Variants in BTAF1 observed in about 807,000 individuals in gnomAD.
BTAF1 encodes the protein B-TFIID TATA-box binding protein associated factor 1, also known as TATA-binding protein-associated factor 172.
A neutral mutation model predicts 227.1 loss-of-function variants in BTAF1; 38 were observed. That is an observed-to-expected ratio of 0.17 (90% CI 0.13 to 0.22). BTAF1 has a LOEUF of 0.22. BTAF1 is among the 10% of genes least tolerant of loss of function. The pLI is 1.00. For missense variants in BTAF1, 1,598 were observed against 2,204.0 expected (o/e 0.73, Z 5.51); for synonymous variants, 742 against 751.9 (o/e 0.99, Z 0.21).
intron 28 of BTAF1, among the ~76,000 whole-genome samples, chr10:92,010,719 T>C (rs1290710784): frequency 1.3e-5 from 2 of 152,224 alleles, no homozygotes; most frequent in Non-Finnish European, 2.9e-5. Flanking sequence ...CTTAACCTGG[T>C]TCAAATGCTT....
Position 91,959,844 on chromosome 10 carries a change from T to G in BTAF1, c.1050T>G (p.Phe350Leu). The G allele has an allele frequency of 6.2e-7, 1 of 1,609,902 alleles. No individual in the cohort carries two copies. The highest frequency in any genetic ancestry group is 8.5e-7 in the Non-Finnish European group (1 of 1,178,640). The change falls in exon 10 of 38, where the codon TTT becomes TTG. Residue 350 changes from phenylalanine to leucine, a missense_variant. By Grantham distance (22) the Phe-to-Leu change is conservative. Coordinates refer to ENST00000265990, the MANE Select transcript of BTAF1 (RefSeq NM_003972.3). ...EDLVIRLLCVFALDRFGDFVS... is the reference protein window; with the variant it reads ...EDLVIRLLCVLALDRFGDFVS... ...TGGTTATTAGACTCCTTTGTGTTTT[T>G]GCATTAGACAGATTTGGAGACTTTG... is the stretch of plus-strand genomic sequence containing the variant.
intron 5 of BTAF1, among the ~76,000 whole-genome samples, chr10:91,952,142 A>G (rs947944835): frequency 6.7e-6 from 1 of 149,456 alleles, no homozygotes; most frequent in Non-Finnish European, 1.5e-5. Flanking sequence ...GTATATATGT[A>G]TATGTGTGTG....
rs1342911959 is a variant in BTAF1, at chr10:91,994,628, C to T, written c.3293C>T (p.Ser1098Phe). 6.2e-7 allele frequency: 1 copy of T among 1,612,726 alleles called. No individual in the cohort carries two copies. The highest frequency in any genetic ancestry group is 1.3e-5 in the African/African-American group (1 of 74,908). The change falls in exon 23 of 38, where the codon TCT becomes TTT. Residue 1098 changes from serine to phenylalanine, a missense_variant. Around this residue, in one of 10 missense-constraint regions of BTAF1, gnomAD observed 425 missense variants for 491.2 expected, o/e 0.87. Transcript: ENST00000265990. ...VFETAAASMD[S>F]ELHPLLVQHL... ...GAAACAGCAGCAGCTTCAATGGATT[C>T]TGAGCTTCATCCCTTGGTAACTAAC...
intron 13 of BTAF1, 24 bp from the exon 14 acceptor site, chr10:91,966,613 A>G (rs202020673): frequency 6.2e-7 from 1 of 1,610,528 alleles, no homozygotes; most frequent in Non-Finnish European, 8.5e-7. Context: ...AATAAGTAAG[A>G]TTAATTTGTG....
rs369329490 is a variant in BTAF1, at chr10:91,952,274, C to T, written c.564+708C>T. On this transcript the variant is annotated intron_variant, in intron 5 of 37. Transcript: ENST00000265990. ...TCAGATTGACCGCATTCTTTTTGGA[C>T]AGCTTCATGCTGTTTTGTTTTGTGG... Among the ~76,000 whole-genome samples, 4 of 152,188 alleles carry T rather than the reference C, an allele frequency of 2.6e-5. No individual in the cohort carries two copies. The East Asian group carries it at 7.7e-4, about 29-fold the overall frequency.
intron 25 of BTAF1, among the ~76,000 whole-genome samples, chr10:92,002,131 C>CA (rs1849593230): frequency 6.6e-6 from 1 of 151,934 alleles, no homozygotes; most frequent in African/African-American, 2.4e-5. Context: ...TAAATAAAAA[C>CA]ACACTGGATT....
At chr10:92,021,734 CAG>C (rs936060013) in intron 34 of BTAF1, among the ~76,000 whole-genome samples, 4 of 151,862 alleles carry the variant, frequency 2.6e-5, no homozygotes, top group African/African-American at 9.7e-5. Context: ...TTAGTAGAGA[CAG>C]GGTTTCACCG....
intron 30 of BTAF1, among the ~76,000 whole-genome samples, chr10:92,013,198 G>A (rs896165731): frequency 6.6e-6 from 1 of 152,152 alleles, no homozygotes; most frequent in African/African-American, 2.4e-5. Flanking sequence ...ATGAAACTTC[G>A]ATGGTAGAAT....
intron 2 of BTAF1, among the ~76,000 whole-genome samples, chr10:91,936,650 GAC>G (rs1163337338): frequency 6.6e-6 from 1 of 152,184 alleles, no homozygotes; most frequent in Non-Finnish European, 1.5e-5. Flanking sequence ...TAGATGGAGA[GAC>G]AGTGATTTGA....
chr10:91,995,843 G>A (rs1228868168), intron 23 of BTAF1, among the ~76,000 whole-genome samples: 2 of 152,318 alleles, frequency 1.3e-5, no homozygotes, highest in East Asian at 3.9e-4. Flanking sequence ...CATTTAGTAA[G>A]GTGCTGTTGT....
At chr10:92,014,974 A>G (rs879495833) in intron 32 of BTAF1, among the ~76,000 whole-genome samples, 1 of 152,228 alleles carries the variant, frequency 6.6e-6, no homozygotes, top group Non-Finnish European at 1.5e-5. Flanking sequence ...ACAATATTGT[A>G]TCTTATGGGA....
At chr10:91,980,330 C>G in intron 14 of BTAF1, 124 bp from the exon 15 acceptor site, 1 of 666,138 alleles carries the variant, frequency 1.5e-6, no homozygotes, top group Non-Finnish European at 2.6e-6. Context: ...ACCTGTTTAG[C>G]CTTTTTAATG....
intron 25 of BTAF1, among the ~76,000 whole-genome samples, chr10:92,004,927 T>C (rs533622845): frequency 7.6e-4 from 115 of 152,310 alleles, no homozygotes; most frequent in African/African-American, 2.7e-3. Flanking sequence ...TTGAACTTGG[T>C]GTAAGATACA....
intron 33 of BTAF1, among the ~76,000 whole-genome samples, chr10:92,018,114 C>T (rs965237312): frequency 3.3e-5 from 5 of 152,060 alleles, no homozygotes; most frequent in Admixed American, 1.3e-4. Context: ...GACTGAGTCT[C>T]GCTCTGTCAC....
chr10:91,931,281 C>T (rs1844259410), intron 1 of BTAF1, among the ~76,000 whole-genome samples: 1 of 152,280 alleles, frequency 6.6e-6, no homozygotes, highest in East Asian at 1.9e-4. Context: ...TCGGAATTGA[C>T]ATCCAGATTG....
At chr10:92,017,754 T>A (rs928606561) in intron 33 of BTAF1, among the ~76,000 whole-genome samples, 2 of 152,058 alleles carry the variant, frequency 1.3e-5, no homozygotes, top group Admixed American at 1.3e-4. Flanking sequence ...CAAGTGATCC[T>A]CCCTCTTCAG....
chr10:91,952,450 T>C (rs900667487), intron 5 of BTAF1, among the ~76,000 whole-genome samples: 1 of 152,158 alleles, frequency 6.6e-6, no homozygotes, highest in Non-Finnish European at 1.5e-5. Context: ...ATGTGAGATA[T>C]TACATCTCAA....
intron 13 of BTAF1, among the ~76,000 whole-genome samples, chr10:91,964,710 A>G (rs4367860): frequency 0.98 from 148,632 of 152,246 alleles, 72,649 homozygotes; most frequent in East Asian, 1. Flanking sequence ...CAGAGATCAA[A>G]TGAAGCCAAA....
At chr10:91,991,102 C>T (rs890805469) in intron 20 of BTAF1, among the ~76,000 whole-genome samples, 2 of 150,974 alleles carry the variant, frequency 1.3e-5, no homozygotes, top group Admixed American at 6.6e-5. Flanking sequence ...AAAAATCAGC[C>T]GGGCATGGTG....
Sources: allele counts gnomAD v4.1 joint callset (sites outside exome capture counted in the v4.1 genomes callset), GRCh38; gene constraint gnomAD v4.1.1; regional missense constraint gnomAD v4.1.1; transcripts MANE v1.5; gene names NCBI Gene and HGNC (gene_info 2026-07-23, HGNC 2026-07-21).